RNF144B: variants seen among roughly 807,000 people sequenced by gnomAD.
RNF144B encodes E3 ubiquitin-protein ligase RNF144B.
Under a neutral mutation model 40.2 loss-of-function variants are expected in RNF144B, and 25 were observed. That is an observed-to-expected ratio of 0.62 (90% confidence interval 0.45 to 0.87). The LOEUF is 0.87. Among genes scored for constraint, RNF144B ranks in the 40% least tolerant of loss-of-function variants. The pLI is 0.00. For missense variants in RNF144B, 365 were observed against 373.7 expected (o/e 0.98, Z 0.19); for synonymous variants, 145 against 136.3 (o/e 1.06, Z -0.44).
chr6:18,455,505 G>A (rs573070607), intron 4 of RNF144B, among the ~76,000 whole-genome samples: 1 of 151,908 alleles, frequency 6.6e-6, no homozygotes, highest in South Asian at 2.1e-4. Context: ...TTTTCTTTTT[G>A]CACCATCCTT....
chr6:18,406,039 G>A lies in RNF144B; in HGVS notation c.165+6340G>A, dbSNP rs751819228. ...TTTAAGAGAATGGGTCTCAAGTTTGGTAGCTTAGGCTTTATTTATTCAACA... is the reference window on the plus strand; with the variant it reads ...TTTAAGAGAATGGGTCTCAAGTTTGATAGCTTAGGCTTTATTTATTCAACA... On this transcript the variant is annotated intron_variant, in intron 2 of 7. Coordinates refer to ENST00000259939, the MANE Select transcript of RNF144B (RefSeq NM_182757.4). The surrounding 1 kb of genome is among the most constrained non-coding windows in gnomAD (Gnocchi z 4.2). 1.9e-6 allele frequency: 1 copy of A among 518,538 alleles called. No homozygotes were observed. The highest frequency in any genetic ancestry group is 3.9e-6 in the Non-Finnish European group (1 of 259,720). 32.1% of individuals were successfully genotyped at this position (518,538 alleles called of 1,614,324 possible).
rs138088095 is a variant in RNF144B at position 18,406,115 on chromosome 6, C to T, written c.165+6416C>T. ...CTGATGGTTTGAATATAGTGGTGAA[C>T]GATCAGATTAAGCCCTGGTTTTCAA... is the stretch of plus-strand genomic sequence containing the variant. On this transcript the variant is annotated intron_variant, in intron 2 of 7. Transcript: ENST00000259939. The surrounding 1 kb of genome is among the most constrained non-coding windows in gnomAD (Gnocchi z 4.2). 7.7e-4 allele frequency: 398 copies of T among 518,864 alleles called. No individual in the cohort carries two copies. The highest frequency in any genetic ancestry group is 1.2e-3 in the Non-Finnish European group (314 of 259,858). 32.1% of individuals were successfully genotyped at this position (518,864 alleles called of 1,614,324 possible). A position where few individuals can be genotyped will look rare whatever the true frequency, so the allele number is the denominator to read the frequency against.
chr6:18,425,313 G>C lies in RNF144B; in HGVS notation c.166-2268G>C, dbSNP rs1450053942. 2.6e-5 allele frequency among the ~76,000 whole-genome samples: 4 copies of C among 152,170 alleles called. No individual in the cohort carries two copies. Among genetic ancestry groups the C allele is most frequent in the African/African-American group, 4.8e-5 (2 of 41,432 alleles). On this transcript the variant is annotated intron_variant, in intron 2 of 7. Transcript: ENST00000259939. This position sits in a 1 kb window ranked among gnomAD's most constrained non-coding sequence, Gnocchi z 4.2. The stretch of plus-strand genomic sequence containing the variant: ...TTTACTTAAATTTCTTTAAGTGGCT[G>C]CTGGGGGTCAGTGGGAAGATCAAGG...
At chr6:18,439,382 G>A (rs980232564) in intron 3 of RNF144B, among the ~76,000 whole-genome samples, 6 of 152,136 alleles carry the variant, frequency 3.9e-5, no homozygotes, top group African/African-American at 1.2e-4. Flanking sequence ...AATAATTTTA[G>A]AAGTCCCTGT....
At chr6:18,426,241 G>A (rs184620149) in intron 2 of RNF144B, among the ~76,000 whole-genome samples, 89 of 152,314 alleles carry the variant, frequency 5.8e-4, no homozygotes, top group Non-Finnish European at 1.0e-3. Context: ...AAACCCAGTT[G>A]TAAATAATCA....
intron 2 of RNF144B, among the ~76,000 whole-genome samples, chr6:18,424,087 T>G (rs891614346): frequency 9.9e-5 from 15 of 152,204 alleles, no homozygotes; most frequent in Non-Finnish European, 1.9e-4. Context: ...GTTTCTCTCT[T>G]TATAAGCTAG....
At position 18,405,174 on chromosome 6, in the gene RNF144B, A is replaced by ATTATTATTATTATTATTATTATTATTG. The variant is rs1362333930; in HGVS notation, c.165+5477_165+5478insATTATTATTATTATTATTATTATTGTT. 1.4e-5 allele frequency among the ~76,000 whole-genome samples: 2 copies of ATTATTATTATTATTATTATTATTATTG among 142,586 alleles called. No individual in the cohort carries two copies. Among genetic ancestry groups the ATTATTATTATTATTATTATTATTATTG allele is most frequent in the African/African-American group, 5.1e-5 (2 of 39,128 alleles). The allele number at this position is 142,586 out of a possible 152,430, so 93.5% of individuals were successfully genotyped here. Reference sequence around the variant, plus strand: ...CTTTATTATTATTATTATTATTATTATTGTTATTATTATTTTTGAGATGGA... The same window carrying ATTATTATTATTATTATTATTATTATTG: ...CTTTATTATTATTATTATTATTATTATTATTATTATTATTATTATTATTATTGTTGTTATTATTATTTTTGAGATGGA... On this transcript the variant is annotated intron_variant, in intron 2 of 7. Coordinates refer to ENST00000259939, the MANE Select transcript of RNF144B (RefSeq NM_182757.4). This position sits in a 1 kb window ranked among gnomAD's most constrained non-coding sequence, Gnocchi z 4.5.
At chr6:18,392,981 C>T (rs967247270) in intron 1 of RNF144B, among the ~76,000 whole-genome samples, 4 of 151,706 alleles carry the variant, frequency 2.6e-5, no homozygotes, top group South Asian at 2.1e-4. Context: ...ATTAGCTGGG[C>T]GTGATGGCGG....
chr6:18,435,460 A>G (rs928079113), intron 3 of RNF144B, among the ~76,000 whole-genome samples: 4 of 152,118 alleles, frequency 2.6e-5, no homozygotes, highest in Admixed American at 6.5e-5. Context: ...TTAATCACCA[A>G]GTACAAAATG....
At chr6:18,429,998 T>C (rs1418819113) in intron 3 of RNF144B, among the ~76,000 whole-genome samples, 1 of 152,234 alleles carries the variant, frequency 6.6e-6, no homozygotes, top group Non-Finnish European at 1.5e-5. Flanking sequence ...AGGAGCTGTG[T>C]CTGCTATGAA....
chr6:18,442,723 C>T lies in RNF144B; in HGVS notation c.331+2979C>T, dbSNP rs34575166. Among the ~76,000 whole-genome samples, 19,001 of 152,168 alleles carry T rather than the reference C, an allele frequency of 0.12. 1,365 individuals are homozygous for T. Among genetic ancestry groups the T allele is most frequent in the Admixed American group, 0.19 (2,954 of 15,286 alleles). On this transcript the variant is annotated intron_variant, in intron 4 of 7. Coordinates refer to ENST00000259939, the MANE Select transcript of RNF144B (RefSeq NM_182757.4). This position sits in a 1 kb window ranked among gnomAD's most constrained non-coding sequence, Gnocchi z 4.3. ...TCCTTATTCCTCCTCCCTGAAACCC[C>T]TAGTAACCTCTAATCCACTTTCTCT...
intron 2 of RNF144B, among the ~76,000 whole-genome samples, chr6:18,413,867 A>C (rs994868813): frequency 2.6e-5 from 4 of 152,222 alleles, no homozygotes; most frequent in Non-Finnish European, 5.9e-5. Flanking sequence ...GATTGTTTTA[A>C]TATGGAATGA....
At position 18,398,415 on chromosome 6, in the gene RNF144B, A is replaced by T. The variant is rs1312378362; in HGVS notation, c.-36-1084A>T. 1.3e-5 allele frequency among the ~76,000 whole-genome samples: 2 copies of T among 152,092 alleles called. No individual in the cohort carries two copies. The highest frequency in any genetic ancestry group is 3.8e-4 in the East Asian group (2 of 5,196). On this transcript the variant is annotated intron_variant, in intron 1 of 7. Transcript: ENST00000259939. This position sits in a 1 kb window ranked among gnomAD's most constrained non-coding sequence, Gnocchi z 5.0. ...TTTGAGACGTTTCATTCTGTCACCC[A>T]GGCTGGAGTGTGGTGACGCAATCTT...
chr6:18,421,468 T>C (rs755421489), intron 2 of RNF144B, among the ~76,000 whole-genome samples: 1 of 152,126 alleles, frequency 6.6e-6, no homozygotes, highest in Admixed American at 6.6e-5. Context: ...CTTGTCACCT[T>C]TCTCTGTTGG....
chr6:18,437,414 G>A (rs909652164), intron 3 of RNF144B, among the ~76,000 whole-genome samples: 7 of 152,086 alleles, frequency 4.6e-5, no homozygotes, highest in African/African-American at 1.7e-4. Flanking sequence ...CTCCAGCCTG[G>A]GTTGACAAAG....
intron 1 of RNF144B, among the ~76,000 whole-genome samples, chr6:18,389,676 GT>G (rs1257677088): frequency 6.6e-6 from 1 of 152,152 alleles, no homozygotes. Context: ...GAACCCAGAT[GT>G]TACTGAAGGA....
At position 18,421,707 on chromosome 6, in the gene RNF144B, T is replaced by C. The variant is rs913683972; in HGVS notation, c.166-5874T>C. Among the ~76,000 whole-genome samples the C allele has an allele frequency of 7.2e-5, 11 of 152,238 alleles. No individual in the cohort carries two copies. In the South Asian group the frequency reaches 1.4e-3, roughly 20 times the overall value. ...ACATAAAATGGGGAAAATCTTGCCA[T>C]GAAGAACTCTTGGGTTCCCAAGAAT... On this transcript the variant is annotated intron_variant, in intron 2 of 7. Coordinates refer to ENST00000259939, the MANE Select transcript of RNF144B (RefSeq NM_182757.4).
rs1350319252 is a variant in RNF144B, at chr6:18,443,385, C to T, written c.331+3641C>T. On this transcript the variant is annotated intron_variant, in intron 4 of 7. Transcript: ENST00000259939. This position sits in a 1 kb window ranked among gnomAD's most constrained non-coding sequence, Gnocchi z 4.7. ...TCAAGCGATTCTCCTGCCTCAGCCT[C>T]CCGAGTAGATGGGATTACAGGTGCC... is the stretch of plus-strand genomic sequence containing the variant. Among the ~76,000 whole-genome samples the T allele has an allele frequency of 2.0e-5, 3 of 152,112 alleles. No individual in the cohort carries two copies. In the East Asian group the frequency reaches 5.8e-4, roughly 29 times the overall value.
rs1758978476 is a variant in RNF144B, at chr6:18,442,103, A to T, written c.331+2359A>T. ...CATCCATCGTTATGTGGGGCAAGGT[A>T]GATGTGGAAAATCATTGGCTAAGAT... On this transcript the variant is annotated intron_variant, in intron 4 of 7. Transcript: ENST00000259939. The surrounding 1 kb of genome is among the most constrained non-coding windows in gnomAD (Gnocchi z 4.3). Among the ~76,000 whole-genome samples the T allele has an allele frequency of 6.6e-6, 1 of 152,062 alleles. No individual in the cohort carries two copies. The highest frequency in any genetic ancestry group is 6.5e-5 in the Admixed American group (1 of 15,274).
Sources: gnomAD v4.1 joint callset for allele counts (sites outside exome capture counted in the v4.1 genomes callset) on GRCh38, gnomAD v4.1.1 for gene constraint, Gnocchi (gnomAD v3.1) non-coding constraint, MANE v1.5 for transcripts, NCBI Gene and HGNC (gene_info 2026-07-23, HGNC 2026-07-21) for gene names.